STXBP6: variants seen among roughly 807,000 people sequenced by gnomAD.
STXBP6 encodes the protein syntaxin binding protein 6.
In STXBP6, 21 loss-of-function variants were observed where a neutral mutation model predicts 26.9. That is an observed-to-expected ratio of 0.78 (90% CI 0.55 to 1.12). The LOEUF (loss-of-function observed/expected upper bound fraction) is 1.12, where lower values mean the gene tolerates loss of function less well. Among genes scored for constraint, STXBP6 ranks in the 50% most tolerant of loss-of-function variants. The probability of loss-of-function intolerance (pLI) is 0.00; values close to 1 mark genes in which losing one functional copy is unlikely to be tolerated. For missense variants in STXBP6, 232 were observed against 257.9 expected, an observed-to-expected ratio of 0.90 and a Z score of 0.69; for synonymous variants, 97 against 92.6, an observed-to-expected ratio of 1.05 and a Z score of -0.27.
At position 25,005,517 on chromosome 14, in the gene STXBP6, A is replaced by G. The variant is rs180743658; in HGVS notation, c.-32-30667T>C. On this transcript the variant is annotated intron_variant, in intron 1 of 5. Coordinates refer to ENST00000323944, the MANE Select transcript of STXBP6 (RefSeq NM_001394410.1). ...GCAGTCATCCAAAGAGCTGAGATCA[A>G]GAAATTGTATCCTTCGCAAATGCAG... Among the ~76,000 whole-genome samples the G allele has an allele frequency of 3.9e-5, 6 of 152,362 alleles. No individual in the cohort carries two copies. The East Asian group carries it at 1.2e-3, about 29-fold the overall frequency.
chr14:24,867,565 T>C (rs141719243), intron 2 of STXBP6, among the ~76,000 whole-genome samples: 271 of 152,268 alleles, frequency 1.8e-3, no homozygotes, highest in Non-Finnish European at 1.4e-3. Flanking sequence ...GACAGTCTTT[T>C]CAACAAATGG....
intron 2 of STXBP6, among the ~76,000 whole-genome samples, chr14:24,972,915 G>A (rs139033799): frequency 1.3e-5 from 2 of 152,128 alleles, no homozygotes; most frequent in Non-Finnish European, 2.9e-5. Flanking sequence ...CCAGGAGTTC[G>A]AGACCAGCCT....
At chr14:24,849,307 G>T (rs2139104694) in intron 4 of STXBP6, among the ~76,000 whole-genome samples, 1 of 152,240 alleles carries the variant, frequency 6.6e-6, no homozygotes, top group Middle Eastern at 3.4e-3. Flanking sequence ...CTAAGTCTGT[G>T]TGTGTACATG....
intron 2 of STXBP6, among the ~76,000 whole-genome samples, chr14:24,953,863 A>G (rs1230597094): frequency 6.6e-6 from 1 of 152,244 alleles, no homozygotes. Context: ...CAAAATGGGC[A>G]TAGAAGAGAC....
chr14:24,894,330 AAGATATCT>A (rs1443815981), intron 2 of STXBP6, among the ~76,000 whole-genome samples: 1 of 152,144 alleles, frequency 6.6e-6, no homozygotes, highest in East Asian at 1.9e-4. Context: ...GTCTAATGCT[AAGATATCT>A]AGGTTGGGGA....
chr14:24,918,823 G>C (rs533125279), intron 2 of STXBP6, among the ~76,000 whole-genome samples: 2 of 151,924 alleles, frequency 1.3e-5, no homozygotes, highest in Non-Finnish European at 2.9e-5. Context: ...TCAAATATTT[G>C]GTCTAAATAT....
At chr14:24,818,707 G>C (rs1468853736) in intron 5 of STXBP6, among the ~76,000 whole-genome samples, 2 of 152,126 alleles carry the variant, frequency 1.3e-5, no homozygotes. Context: ...TCGAAGACCT[G>C]ATCTCTTCTC....
At position 24,882,150 on chromosome 14, in the gene STXBP6, C is replaced by T. The variant is rs555410226; in HGVS notation, c.155-24993G>A. On this transcript the variant is annotated intron_variant, in intron 2 of 5. Coordinates refer to ENST00000323944, the MANE Select transcript of STXBP6 (RefSeq NM_001394410.1). ...ATCCCAGCACTTTGGGAGGCCGAGG[C>T]GGGCGGATCACGAGGTCAGGAGATC... Among the ~76,000 whole-genome samples the T allele has an allele frequency of 6.6e-5, 10 of 151,528 alleles. No homozygotes were observed. The East Asian group carries it at 1.4e-3, about 21-fold the overall frequency.
rs577833605 is a variant in STXBP6 at position 25,014,067 on chromosome 14, A to T, written c.-33+35811T>A. Among the ~76,000 whole-genome samples, 17 of 152,326 alleles carry T rather than the reference A, an allele frequency of 1.1e-4. 1 individual carries two copies. Among genetic ancestry groups the T allele is most frequent in the African/African-American group, 4.1e-4 (17 of 41,576 alleles). On this transcript the variant is annotated intron_variant, in intron 1 of 5. Coordinates refer to ENST00000323944, the MANE Select transcript of STXBP6 (RefSeq NM_001394410.1). The stretch of plus-strand genomic sequence containing the variant: ...TGTTTCAACATAATCCCTGGTAGAG[A>T]GAGGAGGCTAAGATCTAGATGAAAC...
chr14:24,832,635 T>C (rs2138925925), intron 4 of STXBP6, among the ~76,000 whole-genome samples: 1 of 152,320 alleles, frequency 6.6e-6, no homozygotes, highest in East Asian at 1.9e-4. Context: ...CTCTAAAAAT[T>C]CCTGCCAACT....
At chr14:25,005,116 T>TA (rs955094210) in intron 1 of STXBP6, among the ~76,000 whole-genome samples, 4 of 151,742 alleles carry the variant, frequency 2.6e-5, no homozygotes, top group African/African-American at 7.3e-5. Flanking sequence ...ATATAATTCT[T>TA]AAAAAAAAAT....
intron 2 of STXBP6, among the ~76,000 whole-genome samples, chr14:24,968,190 T>TATAA (rs1555334729): frequency 1.4e-5 from 2 of 147,438 alleles, no homozygotes; most frequent in African/African-American, 4.9e-5. Context: ...TATATATATA[T>TATAA]AAAATTATTG....
At chr14:25,032,122 G>GCA (rs1445234492) in intron 1 of STXBP6, among the ~76,000 whole-genome samples, 4 of 152,120 alleles carry the variant, frequency 2.6e-5, no homozygotes, top group African/African-American at 7.2e-5. Context: ...GACAACAGAG[G>GCA]CACACAGGAG....
intron 1 of STXBP6, among the ~76,000 whole-genome samples, chr14:25,024,026 T>C (rs1214710639): frequency 2.0e-5 from 3 of 152,100 alleles, no homozygotes; most frequent in African/African-American, 7.2e-5. Context: ...AAAACACATC[T>C]TGGCCGGGCG....
rs536118972 is a variant in STXBP6 at position 24,909,617 on chromosome 14, C to A, written c.155-52460G>T. ...GCAACATGGTGAAACCCCAACTGTA[C>A]AAAAAAATAGAAGAAAAAAATCAGC... is the stretch of plus-strand genomic sequence containing the variant. On this transcript the variant is annotated intron_variant, in intron 2 of 5. Coordinates refer to ENST00000323944, the MANE Select transcript of STXBP6 (RefSeq NM_001394410.1). 2.0e-5 allele frequency among the ~76,000 whole-genome samples: 3 copies of A among 151,518 alleles called. No homozygotes were observed. The South Asian group carries it at 6.3e-4, about 32-fold the overall frequency.
At chr14:24,940,264 T>C (rs981270407) in intron 2 of STXBP6, among the ~76,000 whole-genome samples, 6 of 152,210 alleles carry the variant, frequency 3.9e-5, no homozygotes, top group Non-Finnish European at 8.8e-5. Flanking sequence ...AGGAGAAGGA[T>C]GGTTTCAGTT....
intron 4 of STXBP6, among the ~76,000 whole-genome samples, chr14:24,831,778 A>G (rs1386019425): frequency 6.6e-6 from 1 of 152,188 alleles, no homozygotes; most frequent in Admixed American, 6.5e-5. Flanking sequence ...TCCTGAAGTC[A>G]TGAGGTTCTC....
At chr14:25,021,924 T>A (rs1018999756) in intron 1 of STXBP6, among the ~76,000 whole-genome samples, 1 of 152,164 alleles carries the variant, frequency 6.6e-6, no homozygotes, top group Non-Finnish European at 1.5e-5. Flanking sequence ...GCAAGATAAC[T>A]GTCAACAGAT....
chr14:24,904,902 AG>A (rs143995624), intron 2 of STXBP6, among the ~76,000 whole-genome samples: 3,770 of 152,286 alleles, frequency 0.025, 162 homozygotes, highest in African/African-American at 0.085. Flanking sequence ...AGAGAAAATT[AG>A]ATTTGATTAG....
Sources: allele counts gnomAD v4.1 joint callset (sites outside exome capture counted in the v4.1 genomes callset), GRCh38; gene constraint gnomAD v4.1.1; transcripts MANE v1.5; gene names NCBI Gene and HGNC (gene_info 2026-07-23, HGNC 2026-07-21).